The following CHN2 variants were observed in gnomAD, a reference collection of about 807,000 sequenced individuals.
CHN2 encodes the protein beta-chimaerin.
Under a neutral mutation model 56.3 loss-of-function variants are expected in CHN2, and 35 were observed. The observed-to-expected ratio is 0.62, with a 90% CI of 0.47 to 0.82. The LOEUF is 0.82. Among genes scored for constraint, CHN2 ranks in the 40% least tolerant of loss-of-function variants. The probability of loss-of-function intolerance (pLI) is 0.00; values close to 1 mark genes in which losing one functional copy is unlikely to be tolerated. For synonymous variants in CHN2, 210 were observed against 212.8 expected, an observed-to-expected ratio of 0.99 and a Z score of 0.12; for missense variants, 491 against 580.5, an observed-to-expected ratio of 0.85 and a Z score of 1.58.
chr7:29,355,659 T>A (rs910036238), intron 2 of CHN2, among the ~76,000 whole-genome samples: 2 of 151,802 alleles, frequency 1.3e-5, no homozygotes, highest in Non-Finnish European at 2.9e-5. Context: ...ATCATTAGCA[T>A]TCCTAACGAA....
intron 2 of CHN2, among the ~76,000 whole-genome samples, chr7:29,171,297 G>A (rs372175889): frequency 1.3e-5 from 2 of 152,108 alleles, no homozygotes; most frequent in East Asian, 1.9e-4. Flanking sequence ...AACACCCAGG[G>A]GATTTCACAG....
At chr7:29,313,522 A>G (rs963909219) in intron 1 of CHN2, among the ~76,000 whole-genome samples, 22 of 152,180 alleles carry the variant, frequency 1.4e-4, no homozygotes, top group Non-Finnish European at 2.4e-4. Flanking sequence ...CACTCCCTAC[A>G]GTCCTCTGCT....
chr7:29,400,290 C>T (rs1802095750), intron 5 of CHN2: 2 of 530,122 alleles, frequency 3.8e-6, no homozygotes, highest in Admixed American at 3.4e-5. Flanking sequence ...ACCTCTGCCT[C>T]GTTCCAGTCA....
chr7:29,352,290 G>T (rs1487566189), intron 1 of CHN2, among the ~76,000 whole-genome samples: 3 of 152,058 alleles, frequency 2.0e-5, no homozygotes, highest in African/African-American at 4.8e-5. Flanking sequence ...TCCAAAATAA[G>T]AAGACATTAC....
chr7:29,150,102 G>T (rs1793383719), intron 2 of CHN2, among the ~76,000 whole-genome samples: 1 of 152,124 alleles, frequency 6.6e-6, no homozygotes, highest in African/African-American at 2.4e-5. Flanking sequence ...AAACTGTCAG[G>T]TCGATCACAA....
intron 8 of CHN2, 138 bp from the exon 9 acceptor site, chr7:29,499,729 T>A (rs148921782): frequency 5.9e-6 from 4 of 673,942 alleles, no homozygotes; most frequent in Non-Finnish European, 9.7e-6. Flanking sequence ...CTGTAGAGAG[T>A]CCTAGAAACG....
At chr7:29,311,982 T>G (rs565167421) in intron 1 of CHN2, among the ~76,000 whole-genome samples, 32 of 152,318 alleles carry the variant, frequency 2.1e-4, no homozygotes, top group African/African-American at 7.7e-4. Flanking sequence ...ATGACATTTT[T>G]ACTCCTGTAT....
In CHN2 at chr7:29,514,156, T is replaced by C. The variant is rs2128608763; in HGVS notation, c.*1421T>C. 1 of 152,776 alleles carries C rather than the reference T, an allele frequency of 6.5e-6. No homozygotes were observed. Among genetic ancestry groups the C allele is most frequent in the South Asian group, 2.1e-4 (1 of 4,828 alleles). 9.5% of individuals were successfully genotyped at this position (152,776 alleles called of 1,614,324 possible). A position where few individuals can be genotyped will look rare whatever the true frequency, so the allele number is the denominator to read the frequency against. On this transcript the variant is annotated 3_prime_UTR_variant, in exon 13 of 13. Transcript: ENST00000222792. ...GGGAGGTTTGACCTCTTCCCTGCTA[T>C]TATCCCTCCTCCCAACTGTACAGAT... is the stretch of plus-strand genomic sequence containing the variant.
chr7:29,431,715 C>G (rs1363678775), intron 6 of CHN2, among the ~76,000 whole-genome samples: 1 of 152,198 alleles, frequency 6.6e-6, no homozygotes, highest in African/African-American at 2.4e-5. Flanking sequence ...GGCCAACAGT[C>G]ATGAACCGAG....
chr7:29,399,577 T>A (rs1404985849), intron 5 of CHN2, among the ~76,000 whole-genome samples: 1 of 152,198 alleles, frequency 6.6e-6, no homozygotes, highest in African/African-American at 2.4e-5. Context: ...AGGTATCCAA[T>A]TTCAGAACTG....
chr7:29,333,691 C>T (rs973803203), intron 1 of CHN2, among the ~76,000 whole-genome samples: 4 of 152,172 alleles, frequency 2.6e-5, no homozygotes, highest in Admixed American at 6.5e-5. Flanking sequence ...CTACCACTAG[C>T]GCTTTCCTGG....
At chr7:29,185,327 ACC>A (rs1798579244) in intron 2 of CHN2, among the ~76,000 whole-genome samples, 1 of 152,224 alleles carries the variant, frequency 6.6e-6, no homozygotes, top group Admixed American at 6.5e-5. Context: ...CATAACATGG[ACC>A]AAAATTTGAA....
chr7:29,323,360 C>G (rs137902073), intron 1 of CHN2, among the ~76,000 whole-genome samples: 1 of 152,164 alleles, frequency 6.6e-6, no homozygotes, highest in Admixed American at 6.5e-5. Context: ...CTCCTCCAGA[C>G]GTATTCCAAT....
At chr7:29,439,436 G>C (rs1783470366) in intron 6 of CHN2, among the ~76,000 whole-genome samples, 1 of 152,118 alleles carries the variant, frequency 6.6e-6, no homozygotes, top group South Asian at 2.1e-4. Context: ...TTGCATGTCT[G>C]GTGTTCTCTG....
At chr7:29,456,547 A>G (rs6462140) in intron 6 of CHN2, among the ~76,000 whole-genome samples, 20,966 of 150,548 alleles carry the variant, frequency 0.14, 1,895 homozygotes, top group African/African-American at 0.26. Flanking sequence ...CAAGCTCACA[A>G]TGCATGAATG....
intron 6 of CHN2, among the ~76,000 whole-genome samples, chr7:29,415,990 G>A (rs1803699610): frequency 6.6e-6 from 1 of 152,202 alleles, no homozygotes; most frequent in South Asian, 2.1e-4. Flanking sequence ...TACTGGGTTT[G>A]GGGAGAAGAG....
chr7:29,228,169 C>T (rs555675270), intron 1 of CHN2, among the ~76,000 whole-genome samples: 7 of 150,994 alleles, frequency 4.6e-5, no homozygotes, highest in South Asian at 2.1e-4. Context: ...TACACACACA[C>T]ACACACACGT....
intron 6 of CHN2, among the ~76,000 whole-genome samples, chr7:29,446,313 A>C (rs934537501): frequency 6.6e-6 from 1 of 152,168 alleles, no homozygotes; most frequent in Non-Finnish European, 1.5e-5. Flanking sequence ...AGCAAAAAAG[A>C]ATCACCTTTT....
At chr7:29,263,780 C>T (rs1307047143) in intron 1 of CHN2, among the ~76,000 whole-genome samples, 1 of 151,614 alleles carries the variant, frequency 6.6e-6, no homozygotes, top group Admixed American at 6.6e-5. Flanking sequence ...GTGAAGAGTG[C>T]CTCTGCCCGG....
Sources: allele counts gnomAD v4.1 joint callset (sites outside exome capture counted in the v4.1 genomes callset), GRCh38; gene constraint gnomAD v4.1.1; transcripts MANE v1.5; gene names NCBI Gene and HGNC (gene_info 2026-07-23, HGNC 2026-07-21).